The following DOCK7 variants were observed in gnomAD, a reference collection of about 807,000 sequenced individuals.
DOCK7 encodes the protein dedicator of cytokinesis protein 7.
In DOCK7, 138 loss-of-function variants were observed where a neutral mutation model predicts 271.0. The ratio of observed to expected loss-of-function variants is 0.51; its 90% confidence interval spans 0.44 to 0.59. The LOEUF (loss-of-function observed/expected upper bound fraction) is 0.59, where lower values mean the gene tolerates loss of function less well. Ranked by LOEUF, DOCK7 falls within the 20% of genes least tolerant of loss-of-function variation. The pLI, the probability that DOCK7 is intolerant of heterozygous loss-of-function variation, is 0.00. For synonymous variants in DOCK7, 823 were observed against 876.1 expected, an observed-to-expected ratio of 0.94 and a Z score of 1.07; for missense variants, 2,066 against 2,592.4, an observed-to-expected ratio of 0.80 and a Z score of 4.41.
chr1:62,503,060 C>T (rs1399693787), intron 37 of DOCK7, among the ~76,000 whole-genome samples: 1 of 151,956 alleles, frequency 6.6e-6, no homozygotes, highest in Admixed American at 6.6e-5. Context: ...TTAAGTAAAA[C>T]CAAGACGAGT....
chr1:62,654,187 G>A, intron 2 of DOCK7, 28 bp from the exon 3 acceptor site: 2 of 1,568,112 alleles, frequency 1.3e-6, no homozygotes, highest in Non-Finnish European at 1.7e-6. Context: ...ATAAGAGATG[G>A]GTAGAAAACA....
At position 62,543,744 on chromosome 1, in the gene DOCK7, G is replaced by C. The variant is rs774119910; in HGVS notation, c.2861C>G (p.Ala954Gly). Residue 954 changes from alanine to glycine, a missense_variant and splice_region_variant, in exon 24 of 50, where the codon GCT (alanine) becomes GGT (glycine). Around this residue, in one of 2 missense-constraint regions of DOCK7, gnomAD observed 1,414 missense variants for 1,670.4 expected, o/e 0.85. Coordinates refer to ENST00000635253, the MANE Select transcript of DOCK7 (RefSeq NM_001367561.1). ...CATACGATTACAACTTCGATCCATA[G>C]CCTATGGAGTGAAGATGAATGAATG... ...NPSPSAESTQ[A>G]MDRSCNRMSS... 5 of 1,576,086 alleles carry C rather than the reference G, an allele frequency of 3.2e-6. No individual in the cohort carries two copies. In the East Asian group the frequency reaches 1.1e-4, roughly 36 times the overall value.
rs118149058 is a variant in DOCK7 at position 62,470,357 on chromosome 1, A to G, written c.6212+3625T>C. Among the ~76,000 whole-genome samples, 220 of 152,312 alleles carry G rather than the reference A, an allele frequency of 1.4e-3. 3 individuals are homozygous for G. In the East Asian group the frequency reaches 0.039, roughly 27 times the overall value. ...CTTATGTTCTCACTCATTAAGTGGG[A>G]GCTAAGCTATGAGGATGCAAAGGTG... On this transcript the variant is annotated intron_variant, in intron 48 of 49. Transcript: ENST00000635253.
intron 18 of DOCK7, among the ~76,000 whole-genome samples, chr1:62,564,177 G>C (rs1461518136): frequency 6.6e-6 from 1 of 152,068 alleles, no homozygotes; most frequent in Non-Finnish European, 1.5e-5. Flanking sequence ...AAATTAACAA[G>C]GGTATTCAGG....
chr1:62,668,168 G>A (rs907202345), intron 1 of DOCK7, among the ~76,000 whole-genome samples: 6 of 152,106 alleles, frequency 3.9e-5, no homozygotes, highest in African/African-American at 7.2e-5. Flanking sequence ...TCCAGTTTAC[G>A]GGAAATACAG....
intron 44 of DOCK7, 41 bp downstream of exon 44, chr1:62,477,659 C>G: frequency 2.3e-5 from 35 of 1,532,554 alleles, no homozygotes; most frequent in Non-Finnish European, 3.0e-5. Flanking sequence ...AGAGAGAATA[C>G]AAACTAAAGA....
rs1423843824 is a variant in DOCK7, at chr1:62,529,398, G to A, written c.3660C>T (p.Leu1220=). 3 of 1,613,578 alleles carry A rather than the reference G, an allele frequency of 1.9e-6. No homozygotes were observed. The highest frequency in any genetic ancestry group is 2.5e-6 in the Non-Finnish European group (3 of 1,179,854). The change falls in exon 30 of 50, where the codon CTC becomes CTT. Residue 1220 remains leucine (L), a synonymous_variant. Coordinates refer to ENST00000635253, the MANE Select transcript of DOCK7 (RefSeq NM_001367561.1). Reference sequence around the variant, plus strand: ...ACCGCGGGTCTGAGTCGTGACTGGAGAGTAAATTGTGTACCATATTGATGA... The same window carrying A: ...ACCGCGGGTCTGAGTCGTGACTGGAAAGTAAATTGTGTACCATATTGATGA... The part of the protein sequence containing the change: ...KKVINMVHNL[L]SSHDSDPRYS...
intron 14 of DOCK7, chr1:62,598,833 C>A: frequency 7.5e-7 from 1 of 1,325,958 alleles, no homozygotes; most frequent in Non-Finnish European, 1.1e-6. Flanking sequence ...ATGGTATGTC[C>A]CATCTTTCAC....
intron 43 of DOCK7, 58 bp from the exon 44 acceptor site, chr1:62,477,883 T>C: frequency 6.6e-7 from 1 of 1,510,350 alleles, no homozygotes; most frequent in Non-Finnish European, 8.8e-7. Flanking sequence ...TTCCTGTTTT[T>C]CACATTATGT....
rs550996113 is a variant in DOCK7 at position 62,668,797 on chromosome 1, A to C, written c.39-5667T>G. On this transcript the variant is annotated intron_variant, in intron 1 of 49. Coordinates refer to ENST00000635253, the MANE Select transcript of DOCK7 (RefSeq NM_001367561.1). ...GTAGTCCTAGCTACTTGGGAGGCTG[A>C]GGTGGGAGGACTAGCTACTTGGGAG... Among the ~76,000 whole-genome samples, 21 of 151,724 alleles carry C rather than the reference A, an allele frequency of 1.4e-4. No individual in the cohort carries two copies. The East Asian group carries it at 4.1e-3, about 30-fold the overall frequency.
intron 19 of DOCK7, among the ~76,000 whole-genome samples, chr1:62,559,548 C>G (rs967573359): frequency 4.6e-5 from 7 of 151,686 alleles, no homozygotes; most frequent in African/African-American, 1.7e-4. Flanking sequence ...TATTGTCTTT[C>G]AGCTCCAAAG....
intron 1 of DOCK7, among the ~76,000 whole-genome samples, chr1:62,679,069 G>A (rs113964616): frequency 1.0e-3 from 152 of 151,832 alleles, no homozygotes; most frequent in African/African-American, 3.4e-3. Flanking sequence ...CAATAGAGGC[G>A]GCAGGGCAGA....
chr1:62,686,810 G>A (rs998655563), intron 1 of DOCK7, among the ~76,000 whole-genome samples: 1 of 151,762 alleles, frequency 6.6e-6, no homozygotes, highest in African/African-American at 2.4e-5. Flanking sequence ...TCTGAGAGTA[G>A]AGCCCATGCT....
intron 16 of DOCK7, among the ~76,000 whole-genome samples, chr1:62,582,062 C>A (rs1022995764): frequency 2.0e-5 from 3 of 152,090 alleles, no homozygotes; most frequent in Non-Finnish European, 4.4e-5. Flanking sequence ...TAGGCCATCA[C>A]TCCCCTTGAA....
At chr1:62,514,009 A>G (rs1644583533) in intron 31 of DOCK7, 111 bp from the exon 32 acceptor site, 1 of 939,598 alleles carries the variant, frequency 1.1e-6, no homozygotes, top group African/African-American at 1.7e-5. Context: ...GCTTAAAAAT[A>G]ATATAATTAA....
At chr1:62,545,138 T>C (rs1557694756) in intron 22 of DOCK7, 99 bp from the exon 23 acceptor site, 1 of 1,171,462 alleles carries the variant, frequency 8.5e-7, no homozygotes, top group Non-Finnish European at 1.2e-6. Context: ...AATGCAAACA[T>C]GTTTTTAATT....
At position 62,485,342 on chromosome 1, in the gene DOCK7, T is replaced by TCACA. The variant is rs141017482; in HGVS notation, c.5508+2052_5508+2055dup. 1.8e-4 allele frequency: 174 copies of TCACA among 952,716 alleles called. 2 individuals carry two copies. The highest frequency in any genetic ancestry group is 1.5e-3 in the African/African-American group (87 of 56,262). 59.0% of individuals were successfully genotyped at this position (952,716 alleles called of 1,614,324 possible). Reference sequence around the variant, plus strand: ...AAATACTAAGTTTTAGAGTTATCTTTCACACACACACACACACACCCTTCT... The same window carrying TCACA: ...AAATACTAAGTTTTAGAGTTATCTTTCACACACACACACACACACACACCCTTCT... On this transcript the variant is annotated intron_variant, in intron 43 of 49. Transcript: ENST00000635253.
At position 62,475,540 on chromosome 1, in the gene DOCK7, A is replaced by C. The variant is rs993004872; in HGVS notation, c.5961+167T>G. On this transcript the variant is annotated intron_variant, in intron 46 of 49. Coordinates refer to ENST00000635253, the MANE Select transcript of DOCK7 (RefSeq NM_001367561.1). The stretch of plus-strand genomic sequence containing the variant: ...CTTTTAAAGAAAAAGCTGGGGGTGA[A>C]TTAGGGTCTTAGAAAAGAAGTAAAA... The C allele has an allele frequency of 2.9e-5, 31 of 1,077,154 alleles. 1 individual carries two copies. In the Admixed American group the frequency reaches 7.7e-4, roughly 27 times the overall value. The allele number at this position is 1,077,154 out of a possible 1,614,324, so 66.7% of individuals were successfully genotyped here. A position where few individuals can be genotyped will look rare whatever the true frequency, so the allele number is the denominator to read the frequency against.
At chr1:62,544,315 A>G (rs922589556) in intron 23 of DOCK7, among the ~76,000 whole-genome samples, 1 of 152,194 alleles carries the variant, frequency 6.6e-6, no homozygotes, top group African/African-American at 2.4e-5. Flanking sequence ...ATTTTGAGAT[A>G]TCATGCAGTA....
Sources: gnomAD v4.1 joint callset for allele counts (sites outside exome capture counted in the v4.1 genomes callset) on GRCh38, gnomAD v4.1.1 for gene constraint, gnomAD v4.1.1 regional missense constraint, MANE v1.5 for transcripts, NCBI Gene and HGNC (gene_info 2026-07-23, HGNC 2026-07-21) for gene names.